The following STX8 variants were observed in gnomAD, a reference collection of about 807,000 sequenced individuals.
STX8 encodes syntaxin 8, also known as syntaxin-8.
A neutral mutation model predicts 37.5 loss-of-function variants in STX8; 23 were observed. The observed-to-expected ratio is 0.61, with a 90% CI of 0.44 to 0.87. The LOEUF (loss-of-function observed/expected upper bound fraction) is 0.87. Among genes scored for constraint, STX8 ranks in the 40% least tolerant of loss-of-function variants. The pLI is 0.00. For missense variants in STX8, 313 were observed against 284.7 expected, an observed-to-expected ratio of 1.10 and a Z score of -0.71; for synonymous variants, 115 against 99.1, an observed-to-expected ratio of 1.16 and a Z score of -0.95.
chr17:9,479,865 C>T (rs569775317), intron 6 of STX8, among the ~76,000 whole-genome samples: 83 of 151,930 alleles, frequency 5.5e-4, no homozygotes, highest in Non-Finnish European at 2.9e-4. Flanking sequence ...CCTGCCCATG[C>T]TCTCTAGACC....
chr17:9,461,264 C>A (rs1413914545), intron 6 of STX8: 3 of 151,900 alleles, frequency 2.0e-5, no homozygotes, highest in Non-Finnish European at 2.9e-5. Flanking sequence ...AACCCCACAG[C>A]GGGAGGGGAT....
At chr17:9,438,291 T>C in intron 6 of STX8, among the ~76,000 whole-genome samples, 1 of 146,560 alleles carries the variant, frequency 6.8e-6, no homozygotes, top group African/African-American at 2.5e-5. Context: ...TTTGATCATC[T>C]CTCCTCTACA....
chr17:9,297,973 T>C (rs1362170448), intron 7 of STX8, among the ~76,000 whole-genome samples: 1 of 152,148 alleles, frequency 6.6e-6, no homozygotes, highest in Non-Finnish European at 1.5e-5. Flanking sequence ...CTAGCAAGGG[T>C]GGACCAAGTG....
intron 6 of STX8, among the ~76,000 whole-genome samples, chr17:9,429,411 ATG>A (rs1445196240): frequency 6.9e-6 from 1 of 145,200 alleles, no homozygotes; most frequent in Non-Finnish European, 1.5e-5. Context: ...ATATAAATAT[ATG>A]TAAATAGGCC....
chr17:9,471,336 A>G (rs1012187584), intron 6 of STX8, among the ~76,000 whole-genome samples: 11 of 151,418 alleles, frequency 7.3e-5, no homozygotes, highest in Admixed American at 7.2e-4. Context: ...ATTTTTTATT[A>G]GAGACAGGGT....
intron 7 of STX8, among the ~76,000 whole-genome samples, chr17:9,257,359 T>C (rs1401276695): frequency 6.6e-6 from 1 of 152,152 alleles, no homozygotes; most frequent in Non-Finnish European, 1.5e-5. Context: ...CATACTTTTT[T>C]CCAGTGAAAC....
chr17:9,517,557 G>A (rs1298838875), intron 4 of STX8, among the ~76,000 whole-genome samples: 3 of 152,044 alleles, frequency 2.0e-5, no homozygotes, highest in Admixed American at 6.6e-5. Flanking sequence ...GACATCCAGT[G>A]GCTTCCTCAG....
At chr17:9,515,376 C>T (rs1905132719) in intron 4 of STX8, among the ~76,000 whole-genome samples, 1 of 152,108 alleles carries the variant, frequency 6.6e-6, no homozygotes. Context: ...ATTTTTGATT[C>T]CTTAGACTAA....
chr17:9,302,916 T>A (rs1908836525), intron 7 of STX8, among the ~76,000 whole-genome samples: 1 of 151,532 alleles, frequency 6.6e-6, no homozygotes, highest in Admixed American at 6.6e-5. Flanking sequence ...GAACTATTTA[T>A]GTTTCTCAGA....
chr17:9,355,825 A>G (rs772046479), intron 7 of STX8, among the ~76,000 whole-genome samples: 11 of 151,958 alleles, frequency 7.2e-5, no homozygotes, highest in Non-Finnish European at 1.3e-4. Flanking sequence ...TAATTTTTAA[A>G]AACTTTTGTA....
intron 4 of STX8, among the ~76,000 whole-genome samples, chr17:9,532,226 G>A (rs1905849900): frequency 6.6e-6 from 1 of 151,872 alleles, no homozygotes; most frequent in South Asian, 2.1e-4. Flanking sequence ...TCAGTCTTGT[G>A]AGAACATACA....
At chr17:9,469,363 T>TACACACACACAC (rs59191207) in intron 6 of STX8, 3 of 150,236 alleles carry the variant, frequency 2.0e-5, no homozygotes, top group East Asian at 2.0e-4. Flanking sequence ...CTCTCTCTCA[T>TACACACACACAC]ACACACACAC....
intron 6 of STX8, among the ~76,000 whole-genome samples, chr17:9,392,111 C>T (rs1419885235): frequency 6.6e-6 from 1 of 152,142 alleles, no homozygotes; most frequent in Non-Finnish European, 1.5e-5. Flanking sequence ...TCAACCAGGG[C>T]AATTGCCTGC....
At chr17:9,267,996 GA>G (rs34300236) in intron 7 of STX8, among the ~76,000 whole-genome samples, 96,887 of 121,990 alleles carry the variant, frequency 0.79, 37,057 homozygotes, top group African/African-American at 0.82. Flanking sequence ...TGCCTAAAAA[GA>G]AAAAAAAAAA....
intron 6 of STX8, among the ~76,000 whole-genome samples, chr17:9,456,904 A>G (rs1905201269): frequency 6.6e-6 from 1 of 152,014 alleles, no homozygotes; most frequent in Non-Finnish European, 1.5e-5. Flanking sequence ...TTTCTCCTGC[A>G]TTTTTTCACT....
intron 7 of STX8, among the ~76,000 whole-genome samples, chr17:9,269,915 T>A (rs889560020): frequency 2.0e-5 from 3 of 152,198 alleles, no homozygotes; most frequent in Admixed American, 6.5e-5. Context: ...TCCTCCCCCA[T>A]GCCCAGGGTA....
At chr17:9,479,823 T>C (rs1007467445) in intron 6 of STX8, among the ~76,000 whole-genome samples, 1 of 143,936 alleles carries the variant, frequency 6.9e-6, no homozygotes, top group Non-Finnish European at 1.5e-5. Context: ...CCAGCTCTCC[T>C]GGCCCCCTCC....
chr17:9,472,452 G>A (rs772228635), intron 6 of STX8, among the ~76,000 whole-genome samples: 5 of 152,304 alleles, frequency 3.3e-5, no homozygotes, highest in South Asian at 2.1e-4. Flanking sequence ...GACCCCCACC[G>A]TAGCCTCCAA....
chr17:9,372,605 C>G lies in STX8; in HGVS notation c.643+5947G>C, dbSNP rs796577791. On this transcript the variant is annotated intron_variant, in intron 7 of 7. Transcript: ENST00000306357. ...CGATTCTCCTGCCTCAGCCTCCCAA[C>G]TAGCTGGGATTACAGGCACGCACCA... Among the ~76,000 whole-genome samples the G allele has an allele frequency of 1.1e-3, 172 of 151,636 alleles. 1 individual carries two copies. The highest frequency in any genetic ancestry group is 3.9e-3 in the African/African-American group (163 of 41,428).
Sources: allele counts gnomAD v4.1 joint callset (sites outside exome capture counted in the v4.1 genomes callset), GRCh38; gene constraint gnomAD v4.1.1; transcripts MANE v1.5; gene names NCBI Gene and HGNC (gene_info 2026-07-23, HGNC 2026-07-21).